Variants in ZNF804A observed in about 807,000 individuals in gnomAD.
ZNF804A encodes the protein zinc finger protein 804A.
ZNF804A carries 2 observed loss-of-function variants against 16.5 expected under a neutral mutation model. That is an observed-to-expected ratio of 0.12 (90% CI 0.05 to 0.38). The LOEUF is 0.38. Ranked by LOEUF, ZNF804A falls within the 10% of genes least tolerant of loss-of-function variation. The probability of loss-of-function intolerance (pLI) is 0.99; values close to 1 mark genes in which losing one functional copy is unlikely to be tolerated. For missense variants in ZNF804A, 1,473 were observed against 1,390.7 expected (o/e 1.06, Z -0.94); for synonymous variants, 534 against 489.6 (o/e 1.09, Z -1.20).
At chr2:184,684,478 A>C (rs2105721135) in intron 1 of ZNF804A, among the ~76,000 whole-genome samples, 1 of 152,340 alleles carries the variant, frequency 6.6e-6, no homozygotes, top group East Asian at 1.9e-4. Flanking sequence ...TAAACCTTAC[A>C]GTCTGCAGTA....
intron 1 of ZNF804A, among the ~76,000 whole-genome samples, chr2:184,709,258 A>T (rs1216327685): frequency 2.6e-5 from 4 of 152,156 alleles, no homozygotes; most frequent in Non-Finnish European, 5.9e-5. Context: ...AAAGAATTTT[A>T]TCTAAAGAAA....
intron 2 of ZNF804A, among the ~76,000 whole-genome samples, chr2:184,872,502 A>C (rs1695991664): frequency 6.6e-6 from 1 of 152,152 alleles, no homozygotes; most frequent in African/African-American, 2.4e-5. Flanking sequence ...AACAAAATTA[A>C]ATACCAATGA....
At chr2:184,784,189 A>T (rs566478830) in intron 1 of ZNF804A, among the ~76,000 whole-genome samples, 2 of 152,062 alleles carry the variant, frequency 1.3e-5, no homozygotes, top group South Asian at 4.1e-4. Flanking sequence ...GAACCATGTT[A>T]TCTTTTAAGG....
intron 1 of ZNF804A, among the ~76,000 whole-genome samples, chr2:184,614,690 A>G (rs748930805): frequency 8.5e-5 from 13 of 152,208 alleles, no homozygotes; most frequent in Admixed American, 2.0e-4. Flanking sequence ...CAAATTCACA[A>G]GAAAAAAACA....
intron 1 of ZNF804A, among the ~76,000 whole-genome samples, chr2:184,771,015 C>G (rs1694203727): frequency 6.6e-6 from 1 of 151,894 alleles, no homozygotes; most frequent in Non-Finnish European, 1.5e-5. Flanking sequence ...TCATGTAAAT[C>G]AACAACAAAA....
At chr2:184,810,337 T>C (rs999952336) in intron 1 of ZNF804A, among the ~76,000 whole-genome samples, 4 of 152,162 alleles carry the variant, frequency 2.6e-5, no homozygotes, top group African/African-American at 9.7e-5. Context: ...AAATCAATTA[T>C]ATGTGTTCAC....
At chr2:184,866,103 A>G (rs546558179) in intron 1 of ZNF804A, among the ~76,000 whole-genome samples, 129 of 152,310 alleles carry the variant, frequency 8.5e-4, no homozygotes, top group African/African-American at 3.0e-3. Flanking sequence ...AACTTGTTCA[A>G]TCAAGGACTT....
At chr2:184,903,956 A>G (rs1379304403) in intron 2 of ZNF804A, among the ~76,000 whole-genome samples, 5 of 152,132 alleles carry the variant, frequency 3.3e-5, no homozygotes, top group African/African-American at 1.2e-4. Flanking sequence ...TGATGATCTT[A>G]AATAAAGAAA....
chr2:184,918,433 G>A (rs533529214), intron 2 of ZNF804A, among the ~76,000 whole-genome samples: 36 of 152,250 alleles, frequency 2.4e-4, no homozygotes, highest in African/African-American at 8.7e-4. Context: ...TAGGGAGTGT[G>A]CCTGTCCCAT....
chr2:184,789,110 A>G (rs777178065), intron 1 of ZNF804A, among the ~76,000 whole-genome samples: 2 of 151,888 alleles, frequency 1.3e-5, no homozygotes, highest in Non-Finnish European at 2.9e-5. Flanking sequence ...TGGTTTTTGT[A>G]CTTAGTTCTG....
intron 1 of ZNF804A, among the ~76,000 whole-genome samples, chr2:184,774,651 A>T (rs1244414048): frequency 6.6e-6 from 1 of 151,780 alleles, no homozygotes; most frequent in African/African-American, 2.4e-5. Flanking sequence ...TCAGCAGTTG[A>T]TGAAGCTTTT....
intron 2 of ZNF804A, among the ~76,000 whole-genome samples, chr2:184,901,544 G>A (rs1685182052): frequency 6.6e-6 from 1 of 152,176 alleles, no homozygotes; most frequent in Non-Finnish European, 1.5e-5. Context: ...TGGGGTCATA[G>A]GTAAATTATA....
intron 3 of ZNF804A, among the ~76,000 whole-genome samples, chr2:184,935,473 C>A (rs920161548): frequency 1.3e-5 from 2 of 152,106 alleles, no homozygotes; most frequent in Non-Finnish European, 2.9e-5. Context: ...TTCAAAATAT[C>A]ACAGAAGAGG....
At chr2:184,895,374 G>T (rs1304253416) in intron 2 of ZNF804A, among the ~76,000 whole-genome samples, 1 of 152,132 alleles carries the variant, frequency 6.6e-6, no homozygotes, top group Non-Finnish European at 1.5e-5. Context: ...TCTTTAAGAA[G>T]CATTTTAAGA....
intron 1 of ZNF804A, among the ~76,000 whole-genome samples, chr2:184,715,262 T>G (rs1194884259): frequency 6.6e-6 from 1 of 152,210 alleles, no homozygotes; most frequent in Non-Finnish European, 1.5e-5. Context: ...AGACATAAGT[T>G]ATTGAGTACT....
intron 1 of ZNF804A, among the ~76,000 whole-genome samples, chr2:184,829,418 TAA>T (rs1365682455): frequency 6.6e-6 from 1 of 151,978 alleles, no homozygotes; most frequent in Non-Finnish European, 1.5e-5. Context: ...ATTTTAAATA[TAA>T]GAGTATAAGA....
intron 1 of ZNF804A, among the ~76,000 whole-genome samples, chr2:184,647,783 G>GA (rs1691907525): frequency 6.6e-6 from 1 of 151,966 alleles, no homozygotes; most frequent in Admixed American, 6.6e-5. Context: ...GAGAGAGAAA[G>GA]AAAAAAGGTA....
Position 184,935,789 on chromosome 2 carries a change from T to G in ZNF804A, c.393T>G (p.Pro131=). 3.7e-6 allele frequency: 6 copies of G among 1,601,094 alleles called. No homozygotes were observed. The highest frequency in any genetic ancestry group is 5.1e-6 in the Non-Finnish European group (6 of 1,173,986). ...CTTCTGTTTCTCTCTCTAGTGCTCCTGGAAGTGGCCCCATGTTCAAATCAA... is the reference window on the plus strand; with the variant it reads ...CTTCTGTTTCTCTCTCTAGTGCTCCGGGAAGTGGCCCCATGTTCAAATCAA... The part of the protein sequence containing the change: ...AELRKETVCA[P]GSGPMFKSTT... Residue 131 remains proline, a synonymous_variant, in exon 4 of 4, where the codon CCT becomes CCG. Transcript: ENST00000302277.
intron 1 of ZNF804A, among the ~76,000 whole-genome samples, chr2:184,741,138 T>G (rs1406468167): frequency 6.6e-6 from 1 of 152,186 alleles, no homozygotes; most frequent in Non-Finnish European, 1.5e-5. Flanking sequence ...CCCAAGATTA[T>G]CCTCAGTTTC....
Sources: gnomAD v4.1 joint callset for allele counts (sites outside exome capture counted in the v4.1 genomes callset) on GRCh38, gnomAD v4.1.1 for gene constraint, MANE v1.5 for transcripts, NCBI Gene and HGNC (gene_info 2026-07-23, HGNC 2026-07-21) for gene names.